TRPC3: variants seen among roughly 807,000 people sequenced by gnomAD.
TRPC3 encodes short transient receptor potential channel 3.
Under a neutral mutation model 90.9 loss-of-function variants are expected in TRPC3, and 54 were observed. The observed-to-expected ratio is 0.59, with a 90% CI of 0.48 to 0.75. TRPC3 has a LOEUF of 0.75. TRPC3 is among the 30% of genes least tolerant of loss of function. The probability of loss-of-function intolerance (pLI) is 0.00; values close to 1 mark genes in which losing one functional copy is unlikely to be tolerated. For missense variants in TRPC3, 918 were observed against 1,194.5 expected (o/e 0.77, Z 3.41); for synonymous variants, 424 against 450.9 (o/e 0.94, Z 0.75).
chr4:121,909,250 CG>C (rs1476783444), intron 6 of TRPC3, among the ~76,000 whole-genome samples: 1 of 151,994 alleles, frequency 6.6e-6, no homozygotes, highest in Non-Finnish European at 1.5e-5. Context: ...TATTTTGGAG[CG>C]GAAGTCCAGC....
intron 4 of TRPC3, among the ~76,000 whole-genome samples, chr4:121,914,524 C>G (rs1729230465): frequency 6.6e-6 from 1 of 152,226 alleles, no homozygotes; most frequent in Non-Finnish European, 1.5e-5. Context: ...TTTTCCTTCT[C>G]TGTCTACCAT....
At chr4:121,941,090 G>A (rs940279825) in intron 1 of TRPC3, among the ~76,000 whole-genome samples, 9 of 152,066 alleles carry the variant, frequency 5.9e-5, no homozygotes, top group Admixed American at 2.0e-4. Context: ...TGAACAATGG[G>A]TTATAAATCC....
chr4:121,944,534 T>A (rs1246799629), intron 1 of TRPC3, among the ~76,000 whole-genome samples: 1 of 152,116 alleles, frequency 6.6e-6, no homozygotes, highest in Admixed American at 6.6e-5. Flanking sequence ...ACATTTTCTA[T>A]CCCAGCACAA....
chr4:121,929,616 A>G (rs546256159), intron 2 of TRPC3, among the ~76,000 whole-genome samples: 1 of 152,226 alleles, frequency 6.6e-6, no homozygotes, highest in East Asian at 1.9e-4. Flanking sequence ...ATCCTCCATT[A>G]ATTTATCTAA....
chr4:121,900,400 C>A (rs1028842521), intron 9 of TRPC3, among the ~76,000 whole-genome samples: 4 of 152,186 alleles, frequency 2.6e-5, no homozygotes, highest in African/African-American at 9.7e-5. Flanking sequence ...ACATGGCCCT[C>A]TAGCCAAAGA....
In TRPC3 at chr4:121,911,946, T is replaced by C; in HGVS notation, c.1489A>G (p.Lys497Glu). 2 of 1,613,922 alleles carry C rather than the reference T, an allele frequency of 1.2e-6. No homozygotes were observed. Among genetic ancestry groups the C allele is most frequent in the Non-Finnish European group, 1.7e-6 (2 of 1,179,856 alleles). ...LPNITVTDYP[K>E]QIFRVKTTQF... ...GTGGTTTTCACCCTGAAGATCTGTTTGGGATAGTCAGTAACTGTGATATTG... is the reference window on the plus strand; with the variant it reads ...GTGGTTTTCACCCTGAAGATCTGTTCGGGATAGTCAGTAACTGTGATATTG... Residue 497 changes from lysine to glutamate, a missense_variant, in exon 5 of 12, where the codon AAA becomes GAA. Around this residue, in one of 4 missense-constraint regions of TRPC3, gnomAD observed 609 missense variants for 725.9 expected, o/e 0.84. Transcript: ENST00000379645.
chr4:121,892,868 C>T (rs1012764786), intron 10 of TRPC3, among the ~76,000 whole-genome samples: 2 of 151,998 alleles, frequency 1.3e-5, no homozygotes, highest in Non-Finnish European at 2.9e-5. Flanking sequence ...TACCTTTAAT[C>T]CCAGCATTTT....
intron 11 of TRPC3, 24 bp downstream of exon 11, chr4:121,882,330 A>G (rs773461028): frequency 2.5e-6 from 4 of 1,590,916 alleles, no homozygotes; most frequent in South Asian, 2.3e-5. Flanking sequence ...ATAAAAGGAT[A>G]TTTTTTAAGT....
chr4:121,905,666 G>A (rs529805294), intron 7 of TRPC3, among the ~76,000 whole-genome samples: 31 of 152,158 alleles, frequency 2.0e-4, no homozygotes, highest in Admixed American at 1.8e-3. Context: ...GAAAAAGTAC[G>A]TTTTAAGTTT....
intron 1 of TRPC3, among the ~76,000 whole-genome samples, chr4:121,946,241 T>C (rs1447880731): frequency 1.3e-5 from 2 of 152,178 alleles, no homozygotes; most frequent in Non-Finnish European, 2.9e-5. Context: ...AAAGCATCCA[T>C]ACCAAGGCAC....
chr4:121,931,285 T>C (rs1187728123), intron 2 of TRPC3, among the ~76,000 whole-genome samples: 2 of 152,186 alleles, frequency 1.3e-5, no homozygotes, highest in African/African-American at 4.8e-5. Flanking sequence ...ACTAAAAAGA[T>C]TAACTTAGCA....
At chr4:121,919,868 G>A (rs1156327300) in intron 3 of TRPC3, among the ~76,000 whole-genome samples, 2 of 152,162 alleles carry the variant, frequency 1.3e-5, no homozygotes, top group African/African-American at 2.4e-5. Context: ...CCAAGCTCTA[G>A]TATCTTTTGT....
Position 121,907,430 on chromosome 4 carries a change from C to G in TRPC3, c.1930G>C (p.Gly644Arg). 6.2e-7 allele frequency: 1 copy of G among 1,613,372 alleles called. No individual in the cohort carries two copies. The highest frequency in any genetic ancestry group is 8.5e-7 in the Non-Finnish European group (1 of 1,179,542). ...ESFGPLQISL[G>R]RTVKDIFKFM... ...TTGAATATGTCCTTTACAGTCCTTC[C>G]AAGAGAGATCTGCAGGGGGCCAAAG... is the stretch of plus-strand genomic sequence containing the variant. The change falls in exon 7 of 12, where the codon GGA becomes CGA. Residue 644 changes from glycine to arginine, a missense_variant. Gly to Arg is a moderately radical substitution (Grantham distance 125). Transcript: ENST00000379645.
intron 1 of TRPC3, among the ~76,000 whole-genome samples, chr4:121,946,682 G>C (rs940716816): frequency 1.3e-4 from 20 of 152,198 alleles, no homozygotes; most frequent in African/African-American, 4.6e-4. Context: ...TGAAAGAGTT[G>C]AAAGTGGAGT....
Position 121,914,762 on chromosome 4 carries a change from G to C in TRPC3, c.1341+18C>G. On this transcript the variant is annotated intron_variant, in intron 4 of 11. Coordinates refer to ENST00000379645, the MANE Select transcript of TRPC3 (RefSeq NM_001130698.2). ...ACAGTACACCACCACAGAGGAAATA[G>C]ATGTAGAAAGCAAGTACCCTGCTGC... The C allele has an allele frequency of 1.3e-6, 2 of 1,585,392 alleles. No individual in the cohort carries two copies. Among genetic ancestry groups the C allele is most frequent in the South Asian group, 1.1e-5 (1 of 88,514 alleles).
rs539667509 is a variant in TRPC3 at position 121,951,719 on chromosome 4, C to T, written c.-39G>A. On this transcript the variant is annotated 5_prime_UTR_variant, in exon 1 of 12. Coordinates refer to ENST00000379645, the MANE Select transcript of TRPC3 (RefSeq NM_001130698.2). This position sits in a 1 kb window ranked among gnomAD's most constrained non-coding sequence, Gnocchi z 4.4. ...GTCCGAGTGTGGGGGTGCCGGCTGC[C>T]GGCCTCCTCCGCCTTCGCGGCAGTG... 94 of 1,285,630 alleles carry T rather than the reference C, an allele frequency of 7.3e-5. No homozygotes were observed. The East Asian group carries it at 2.9e-3, about 40-fold the overall frequency. The allele number at this position is 1,285,630 out of a possible 1,614,324, so 79.6% of individuals were successfully genotyped here. A position where few individuals can be genotyped will look rare whatever the true frequency, so the allele number is the denominator to read the frequency against.
intron 1 of TRPC3, chr4:121,950,424 C>G (rs930062913): frequency 1.3e-5 from 2 of 152,324 alleles, no homozygotes; most frequent in East Asian, 3.9e-4. Flanking sequence ...CTGCGCCGCC[C>G]GCCACCATCC....
intron 2 of TRPC3, among the ~76,000 whole-genome samples, chr4:121,927,861 G>A (rs1479058922): frequency 6.6e-6 from 1 of 152,166 alleles, no homozygotes; most frequent in East Asian, 1.9e-4. Flanking sequence ...TCTGGTTTCT[G>A]TGCAGAGTGT....
intron 1 of TRPC3, among the ~76,000 whole-genome samples, chr4:121,938,961 A>G (rs972234103): frequency 1.3e-5 from 2 of 152,124 alleles, no homozygotes; most frequent in African/African-American, 4.8e-5. Context: ...CACCCTGCCT[A>G]GCCAACCTTC....
Sources: allele counts gnomAD v4.1 joint callset (sites outside exome capture counted in the v4.1 genomes callset), GRCh38; gene constraint gnomAD v4.1.1; regional missense constraint gnomAD v4.1.1; non-coding constraint Gnocchi (gnomAD v3.1); transcripts MANE v1.5; gene names NCBI Gene and HGNC (gene_info 2026-07-23, HGNC 2026-07-21).